Variants in ERBB4 observed in about 807,000 individuals in gnomAD.
ERBB4 encodes the protein erb-b2 receptor tyrosine kinase 4, also known as receptor tyrosine-protein kinase erbB-4.
A neutral mutation model predicts 158.0 loss-of-function variants in ERBB4; 42 were observed. That is an observed-to-expected ratio of 0.27 (90% CI 0.21 to 0.34). The LOEUF (loss-of-function observed/expected upper bound fraction) is 0.34, where lower values mean the gene tolerates loss of function less well. Among genes scored for constraint, ERBB4 ranks in the 10% least tolerant of loss-of-function variants. The probability of loss-of-function intolerance (pLI) is 1.00; values close to 1 mark genes in which losing one functional copy is unlikely to be tolerated. For synonymous variants in ERBB4, 583 were observed against 558.7 expected, an observed-to-expected ratio of 1.04 and a Z score of -0.61; for missense variants, 1,333 against 1,624.1, an observed-to-expected ratio of 0.82 and a Z score of 3.08.
intron 16 of ERBB4, among the ~76,000 whole-genome samples, chr2:211,638,722 T>G (rs1414977686): frequency 6.6e-6 from 1 of 152,178 alleles, no homozygotes; most frequent in Non-Finnish European, 1.5e-5. Context: ...AACACAGTGT[T>G]GCAAAAGTAC....
At chr2:211,739,497 C>A (rs2074718033) in intron 5 of ERBB4, among the ~76,000 whole-genome samples, 1 of 152,136 alleles carries the variant, frequency 6.6e-6, no homozygotes, top group South Asian at 2.1e-4. Context: ...CAGAGTCTCG[C>A]TCTGTCACCA....
chr2:212,169,427 A>G (rs1403277944), intron 1 of ERBB4, among the ~76,000 whole-genome samples: 2 of 152,160 alleles, frequency 1.3e-5, no homozygotes, highest in Non-Finnish European at 2.9e-5. Flanking sequence ...TCTCTATTTA[A>G]TGAATGATGC....
intron 3 of ERBB4, among the ~76,000 whole-genome samples, chr2:211,838,370 C>T (rs969562890): frequency 1.1e-4 from 17 of 152,028 alleles, no homozygotes; most frequent in African/African-American, 3.9e-4. Flanking sequence ...CAGTGTTTAA[C>T]TTGAGATAAT....
chr2:212,337,320 G>C (rs1009912590), intron 1 of ERBB4, among the ~76,000 whole-genome samples: 1 of 151,990 alleles, frequency 6.6e-6, no homozygotes, highest in Middle Eastern at 3.2e-3. Context: ...CCTTTCTCTT[G>C]TACTCAGGAC....
rs569491012 is a variant in ERBB4, at chr2:212,439,078, T to C, written c.82+99371A>G. ...AATAATCACACTGTTAGAAAGTAAGTAAGCACTAGCTTTGAAAGGAACACA... is the reference window on the plus strand; with the variant it reads ...AATAATCACACTGTTAGAAAGTAAGCAAGCACTAGCTTTGAAAGGAACACA... On this transcript the variant is annotated intron_variant, in intron 1 of 27. Transcript: ENST00000342788. 4.6e-5 allele frequency among the ~76,000 whole-genome samples: 7 copies of C among 152,264 alleles called. No individual in the cohort carries two copies. The East Asian group carries it at 1.4e-3, about 29-fold the overall frequency.
intron 3 of ERBB4, among the ~76,000 whole-genome samples, chr2:211,900,879 C>T (rs2079216727): frequency 1.3e-5 from 2 of 152,028 alleles, no homozygotes; most frequent in African/African-American, 4.8e-5. Flanking sequence ...TTTCTATTTT[C>T]CTGAGCAATA....
At chr2:211,787,113 C>T (rs1372573366) in intron 4 of ERBB4, among the ~76,000 whole-genome samples, 1 of 151,846 alleles carries the variant, frequency 6.6e-6, no homozygotes, top group Non-Finnish European at 1.5e-5. Flanking sequence ...TGATTTTTCA[C>T]AAAAATGTCA....
At chr2:212,122,060 T>C (rs937005245) in intron 2 of ERBB4, among the ~76,000 whole-genome samples, 3 of 150,358 alleles carry the variant, frequency 2.0e-5, no homozygotes, top group African/African-American at 7.3e-5. Flanking sequence ...TATATATATA[T>C]GTATATAAAC....
chr2:211,855,330 A>G (rs1014978214), intron 3 of ERBB4, among the ~76,000 whole-genome samples: 1 of 152,140 alleles, frequency 6.6e-6, no homozygotes, highest in African/African-American at 2.4e-5. Context: ...TTGATGAATG[A>G]AGTTCTAATT....
intron 1 of ERBB4, among the ~76,000 whole-genome samples, chr2:212,482,636 G>T (rs1689760645): frequency 1.3e-5 from 2 of 152,192 alleles, no homozygotes; most frequent in Non-Finnish European, 2.9e-5. Context: ...TTTGTTTTCT[G>T]AGACGAAGAC....
intron 1 of ERBB4, among the ~76,000 whole-genome samples, chr2:212,492,815 A>C (rs1324152399): frequency 6.6e-6 from 1 of 151,544 alleles, no homozygotes; most frequent in Non-Finnish European, 1.5e-5. Context: ...TGGCAGAAAG[A>C]AGCTAAAAGT....
At chr2:212,402,159 C>T (rs1404068860) in intron 1 of ERBB4, among the ~76,000 whole-genome samples, 2 of 152,074 alleles carry the variant, frequency 1.3e-5, no homozygotes, top group Non-Finnish European at 2.9e-5. Flanking sequence ...GGTGCATACA[C>T]ACTTCAGAAA....
chr2:212,436,278 T>C (rs1261095685), intron 1 of ERBB4, among the ~76,000 whole-genome samples: 1 of 152,016 alleles, frequency 6.6e-6, no homozygotes, highest in Non-Finnish European at 1.5e-5. Flanking sequence ...AAAAAGTTTA[T>C]ATCCGCTATA....
rs138472911 is a variant in ERBB4 at position 212,155,935 on chromosome 2, T to C, written c.83-31032A>G. Among the ~76,000 whole-genome samples, 1,005 of 152,256 alleles carry C rather than the reference T, an allele frequency of 6.6e-3. 7 individuals carry two copies. Among genetic ancestry groups the C allele is most frequent in the Middle Eastern group, 0.024 (7 of 294 alleles). ...ATATCAGAAAAAAATTTTAATGATATTTCAACAAATGTGTTTCAATATAAC... is the reference window on the plus strand; with the variant it reads ...ATATCAGAAAAAAATTTTAATGATACTTCAACAAATGTGTTTCAATATAAC... On this transcript the variant is annotated intron_variant, in intron 1 of 27. Coordinates refer to ENST00000342788, the MANE Select transcript of ERBB4 (RefSeq NM_005235.3).
intron 1 of ERBB4, among the ~76,000 whole-genome samples, chr2:212,459,649 A>C (rs1688473661): frequency 6.6e-6 from 1 of 152,192 alleles, no homozygotes; most frequent in African/African-American, 2.4e-5. Flanking sequence ...CTTGACCAAA[A>C]AAAGAACAGT....
At chr2:211,456,630 C>A (rs1266256003) in intron 20 of ERBB4, among the ~76,000 whole-genome samples, 1 of 151,926 alleles carries the variant, frequency 6.6e-6, no homozygotes, top group African/African-American at 2.4e-5. Flanking sequence ...CCAGTGGTTC[C>A]CAACATTTTA....
chr2:211,395,598 T>C (rs933940622), intron 25 of ERBB4, among the ~76,000 whole-genome samples: 3 of 119,338 alleles, frequency 2.5e-5, no homozygotes, highest in African/African-American at 9.9e-5. Flanking sequence ...AAAGTAAATT[T>C]AGTGACACTT....
rs2070282461 is a variant in ERBB4 at position 211,634,521 on chromosome 2, T to C, written c.1947-3927A>G. On this transcript the variant is annotated intron_variant, in intron 16 of 27. Transcript: ENST00000342788. ...ATCTTTTTCTTGTTTGTTTTTTTCCTGAGAATTTATGCTTAGCTCCTTTTA... is the reference window on the plus strand; with the variant it reads ...ATCTTTTTCTTGTTTGTTTTTTTCCCGAGAATTTATGCTTAGCTCCTTTTA... 3.3e-5 allele frequency among the ~76,000 whole-genome samples: 5 copies of C among 152,194 alleles called. No homozygotes were observed. In the South Asian group the frequency reaches 1.0e-3, roughly 31 times the overall value.
rs1291457055 is a variant in ERBB4 at position 211,580,764 on chromosome 2, C to T, written c.2302-18676G>A. ...GGAACCAACCCAAATCCCCATCAAT[C>T]AACGGGTAGATAAAGAAATTGTGAT... On this transcript the variant is annotated intron_variant, in intron 19 of 27. Coordinates refer to ENST00000342788, the MANE Select transcript of ERBB4 (RefSeq NM_005235.3). 3.0e-5 allele frequency among the ~76,000 whole-genome samples: 4 copies of T among 131,828 alleles called. No homozygotes were observed. In the East Asian group the frequency reaches 8.7e-4, roughly 29 times the overall value. The allele number at this position is 131,828 out of a possible 152,430, so 86.5% of individuals were successfully genotyped here.
Sources: gnomAD v4.1 joint callset for allele counts (sites outside exome capture counted in the v4.1 genomes callset) on GRCh38, gnomAD v4.1.1 for gene constraint, MANE v1.5 for transcripts, NCBI Gene and HGNC (gene_info 2026-07-23, HGNC 2026-07-21) for gene names.